The following CASK variants were observed in gnomAD, a reference collection of about 807,000 sequenced individuals.
CASK encodes the protein peripheral plasma membrane protein CASK.
CASK carries 4 observed loss-of-function variants against 82.9 expected under a neutral mutation model. The ratio of observed to expected loss-of-function variants is 0.05; its 90% CI spans 0.02 to 0.11. The LOEUF is 0.11. Ranked by LOEUF, CASK falls within the 10% of genes least tolerant of loss-of-function variation. CASK has a pLI of 1.00. For synonymous variants in CASK, 259 were observed against 253.5 expected (o/e 1.02, Z -0.20); for missense variants, 358 against 720.9 (o/e 0.50, Z 5.76).
At chrX:41,573,300 T>C (rs1021202430) in intron 15 of CASK, among the ~76,000 whole-genome samples, 6 of 108,866 alleles carry the variant, frequency 5.5e-5, no homozygotes, top group Admixed American at 5.0e-4. Flanking sequence ...AGCTTGGTAT[T>C]GTTTTCTTCA....
chrX:41,634,727 G>A (rs903994454), intron 9 of CASK, among the ~76,000 whole-genome samples: 3 of 112,641 alleles, frequency 2.7e-5, no homozygotes, highest in African/African-American at 9.7e-5. Context: ...TGTAATAATA[G>A]TTTCTTTGGG....
At chrX:41,588,207 C>G (rs1174385116) in intron 13 of CASK, 1 of 111,790 alleles carries the variant, frequency 8.9e-6, no homozygotes, top group Non-Finnish European at 1.9e-5. Context: ...GATGATAAAC[C>G]AATTATCCTT....
chrX:41,739,604 G>A, intron 4 of CASK, 148 bp from the exon 5 acceptor site: 2 of 424,464 alleles, frequency 4.7e-6, no homozygotes, highest in Non-Finnish European at 8.3e-6. Context: ...GTAAAGTGAG[G>A]CTTAATAATG....
At chrX:41,724,574 A>G in intron 5 of CASK, among the ~76,000 whole-genome samples, 1 of 112,116 alleles carries the variant, frequency 8.9e-6, no homozygotes, top group Non-Finnish European at 1.9e-5. Context: ...TGTAACATGT[A>G]ATTTTTATTT....
At position 41,520,581 on chromosome X, in the gene CASK, G is replaced by T; in HGVS notation, c.2620C>A (p.Arg874Ser). 1 of 1,206,307 alleles carries T rather than the reference G, an allele frequency of 8.3e-7. No individual in the cohort carries two copies. Among genetic ancestry groups the T allele is most frequent in the Non-Finnish European group, 1.1e-6 (1 of 891,516 alleles). The change falls in exon 27 of 27, where the codon CGT becomes AGT. Residue 874 changes from arginine to serine, a missense_variant. Arg to Ser is a moderately radical substitution (Grantham distance 110). Transcript: ENST00000378163. ...PGLNEDESLQ[R>S]LQKESDILQR... ...AAGATGTCAGACTCCTTCTGCAGAC[G>T]CTGAAGAGATTCATCCTAAATGGTG... is the stretch of plus-strand genomic sequence containing the variant.
At chrX:41,542,099 C>T (rs1461579695) in intron 22 of CASK, among the ~76,000 whole-genome samples, 1 of 112,237 alleles carries the variant, frequency 8.9e-6, no homozygotes, top group East Asian at 2.8e-4. Flanking sequence ...AACATACATA[C>T]TATAAAGGGA....
At chrX:41,659,212 T>C (rs2066990430) in intron 8 of CASK, among the ~76,000 whole-genome samples, 1 of 109,906 alleles carries the variant, frequency 9.1e-6, no homozygotes, top group African/African-American at 3.3e-5. Context: ...TGACAACTTC[T>C]GTGACTTGGT....
chrX:41,563,594 AT>A (rs1271473542), intron 16 of CASK, among the ~76,000 whole-genome samples: 1 of 110,551 alleles, frequency 9.0e-6, no homozygotes, highest in African/African-American at 3.3e-5. Flanking sequence ...AATAAACAAT[AT>A]TAGAAATGAA....
rs1266331134 is a variant in CASK at position 41,611,856 on chromosome X, G to A, written c.1034-1831C>T. Among the ~76,000 whole-genome samples the A allele has an allele frequency of 6.4e-5, 7 of 109,340 alleles. No individual in the cohort carries two copies. In the East Asian group the frequency reaches 1.7e-3, roughly 27 times the overall value. The allele number at this position is 109,340 out of a possible 115,157, so 94.9% of individuals were successfully genotyped here. A position where few individuals can be genotyped will look rare whatever the true frequency, so the allele number is the denominator to read the frequency against. ...TGCGATTGCAGGCGCGCGCCGCCAC[G>A]CCTGACTGGTTTTCGTATTTTTTTG... is the stretch of plus-strand genomic sequence containing the variant. On this transcript the variant is annotated intron_variant, in intron 11 of 26. Coordinates refer to ENST00000378163, the MANE Select transcript of CASK (RefSeq NM_001367721.1).
At chrX:41,612,280 G>C (rs1183687517) in intron 11 of CASK, among the ~76,000 whole-genome samples, 3 of 106,808 alleles carry the variant, frequency 2.8e-5, no homozygotes, top group African/African-American at 1.0e-4. Context: ...GCCGCCCATC[G>C]TCTGAGATGT....
chrX:41,600,372 C>T (rs2065876577), intron 12 of CASK, among the ~76,000 whole-genome samples: 1 of 112,499 alleles, frequency 8.9e-6, no homozygotes. Context: ...CTGCAAGCCA[C>T]TCCATCGAAC....
At chrX:41,771,435 C>T (rs1350415710) in intron 3 of CASK, among the ~76,000 whole-genome samples, 1 of 111,341 alleles carries the variant, frequency 9.0e-6, no homozygotes, top group Non-Finnish European at 1.9e-5. Flanking sequence ...TGGGTAAATC[C>T]AAATCGATAC....
chrX:41,719,536 A>G (rs1424736916), intron 5 of CASK, among the ~76,000 whole-genome samples: 7 of 112,374 alleles, frequency 6.2e-5, no homozygotes, highest in Non-Finnish European at 1.9e-5. Flanking sequence ...ATAAAGAAAT[A>G]CCACTTGAAC....
intron 5 of CASK, chrX:41,695,571 T>C (rs983729513): frequency 3.6e-5 from 28 of 768,669 alleles, no homozygotes; most frequent in Non-Finnish European, 5.2e-5. Context: ...TCTGAAGACA[T>C]AAGAACTACA....
At chrX:41,826,321 A>G (rs1242684910) in intron 2 of CASK, among the ~76,000 whole-genome samples, 2 of 111,947 alleles carry the variant, frequency 1.8e-5, no homozygotes, top group African/African-American at 6.5e-5. Flanking sequence ...ATTTTCCTCA[A>G]TATATTCTTA....
chrX:41,883,894 T>C (rs2071996816), intron 1 of CASK, among the ~76,000 whole-genome samples: 2 of 111,869 alleles, frequency 1.8e-5, no homozygotes, highest in South Asian at 7.5e-4. Flanking sequence ...CAGTTCATTC[T>C]AATTGTTGCT....
At chrX:41,695,884 G>A in intron 5 of CASK, 3 of 1,208,268 alleles carry the variant, frequency 2.5e-6, no homozygotes, top group Non-Finnish European at 2.2e-6. Flanking sequence ...GGTATTCACC[G>A]TAAAAGAAAT....
At chrX:41,727,702 A>C (rs748852620) in intron 5 of CASK, 3 of 1,200,149 alleles carry the variant, frequency 2.5e-6, no homozygotes, top group Non-Finnish European at 3.4e-6. Flanking sequence ...CTCTTTTGTA[A>C]GCCATCTGAG....
At chrX:41,605,761 G>A (rs1173662478) in intron 12 of CASK, among the ~76,000 whole-genome samples, 4 of 111,268 alleles carry the variant, frequency 3.6e-5, no homozygotes, top group Non-Finnish European at 7.5e-5. Flanking sequence ...TCACTGCTAC[G>A]TCCACCTCCT....
Sources: gnomAD v4.1 joint callset for allele counts (sites outside exome capture counted in the v4.1 genomes callset) on GRCh38, gnomAD v4.1.1 for gene constraint, MANE v1.5 for transcripts, NCBI Gene and HGNC (gene_info 2026-07-23, HGNC 2026-07-21) for gene names.